The following TSPAN14 variants were observed in gnomAD, a reference collection of about 807,000 sequenced individuals.
TSPAN14 encodes the protein tetraspanin 14, also known as tetraspanin-14.
In TSPAN14, 16 loss-of-function variants were observed where a neutral mutation model predicts 36.6. The ratio of observed to expected loss-of-function variants is 0.44; its 90% CI spans 0.30 to 0.66. TSPAN14 has a LOEUF of 0.66. Ranked by LOEUF, TSPAN14 falls within the 30% of genes least tolerant of loss-of-function variation. The pLI is 0.12. For synonymous variants in TSPAN14, 139 were observed against 143.8 expected (o/e 0.97, Z 0.24); for missense variants, 231 against 355.1 (o/e 0.65, Z 2.81).
rs529045653 is a variant in TSPAN14 at position 80,485,874 on chromosome 10, C to T, written c.-17-3343C>T. 3.9e-5 allele frequency among the ~76,000 whole-genome samples: 6 copies of T among 152,314 alleles called. No homozygotes were observed. The East Asian group carries it at 1.2e-3, about 29-fold the overall frequency. ...CTGGGACAGCCCCACCCCTAGACCTCATGGGGTTATCCTGGGTTGTACAAA... is the reference window on the plus strand; with the variant it reads ...CTGGGACAGCCCCACCCCTAGACCTTATGGGGTTATCCTGGGTTGTACAAA... On this transcript the variant is annotated intron_variant, in intron 1 of 8. Coordinates refer to ENST00000429989, the Ensembl canonical transcript of TSPAN14.
At position 80,470,004 on chromosome 10, in the gene TSPAN14, T is replaced by C. The variant is rs540366932; in HGVS notation, c.-18+15633T>C. 2.6e-5 allele frequency among the ~76,000 whole-genome samples: 4 copies of C among 152,354 alleles called. No individual in the cohort carries two copies. In the South Asian group the frequency reaches 8.3e-4, roughly 32 times the overall value. On this transcript the variant is annotated intron_variant, in intron 1 of 8. Transcript: ENST00000429989. ...TATAACCTATGTACTTCCTCCCATA[T>C]ACTTTAAATCATCTCTAGATTACTT...
chr10:80,491,116 C>T (rs1847898078), intron 2 of TSPAN14, among the ~76,000 whole-genome samples: 1 of 152,190 alleles, frequency 6.6e-6, no homozygotes, highest in Non-Finnish European at 1.5e-5. Context: ...TGGGGATTTT[C>T]TGTCCTAGAG....
chr10:80,491,360 C>T (rs549751469), intron 2 of TSPAN14, among the ~76,000 whole-genome samples: 5 of 152,252 alleles, frequency 3.3e-5, no homozygotes, highest in Non-Finnish European at 7.4e-5. Context: ...ACCTGGTGTT[C>T]CCCTCCACCA....
chr10:80,493,959 A>C lies in TSPAN14; in HGVS notation c.81+4645A>C, dbSNP rs367788113. On this transcript the variant is annotated intron_variant, in intron 2 of 8. Transcript: ENST00000429989. ...AGGGATGATTCCGATAATGTCTGCA[A>C]CTCCAGGGTTGGTTTCCAACACAAG... Among the ~76,000 whole-genome samples, 29 of 152,230 alleles carry C rather than the reference A, an allele frequency of 1.9e-4. No homozygotes were observed. The East Asian group carries it at 5.0e-3, about 26-fold the overall frequency.
chr10:80,469,426 C>T (rs964774274), intron 1 of TSPAN14, among the ~76,000 whole-genome samples: 20 of 152,166 alleles, frequency 1.3e-4, no homozygotes, highest in Admixed American at 5.9e-4. Flanking sequence ...TTGAGGTGCT[C>T]TCCTGATTTC....
intron 3 of TSPAN14, among the ~76,000 whole-genome samples, chr10:80,505,692 T>G (rs770386252): frequency 2.6e-5 from 4 of 152,182 alleles, no homozygotes. Flanking sequence ...TGGGGTACGA[T>G]GTCCCTTTGC....
intron 7 of TSPAN14, among the ~76,000 whole-genome samples, chr10:80,515,113 T>C (rs531039234): frequency 6.6e-6 from 1 of 152,376 alleles, no homozygotes; most frequent in East Asian, 1.9e-4. Flanking sequence ...TAAGAACCTA[T>C]ATCAACATCA....
chr10:80,458,501 G>C (rs538902056), intron 1 of TSPAN14, among the ~76,000 whole-genome samples: 12 of 152,148 alleles, frequency 7.9e-5, no homozygotes, highest in Non-Finnish European at 1.6e-4. Context: ...AACTCACTCT[G>C]CTTAGGCATA....
chr10:80,476,476 C>T (rs1394741431), intron 1 of TSPAN14, among the ~76,000 whole-genome samples: 2 of 127,298 alleles, frequency 1.6e-5, no homozygotes, highest in African/African-American at 6.2e-5. Flanking sequence ...AATGCAGTGG[C>T]GAGATCTCTG....
intron 7 of TSPAN14, 86 bp from the exon 8 acceptor site, chr10:80,516,118 C>T (rs1840924243): frequency 6.3e-7 from 1 of 1,599,180 alleles, no homozygotes; most frequent in South Asian, 1.1e-5. Context: ...CCTGCTTTGC[C>T]CTGCTCCTTA....
At chr10:80,484,356 GCT>G (rs1213570200) in intron 1 of TSPAN14, among the ~76,000 whole-genome samples, 2 of 151,568 alleles carry the variant, frequency 1.3e-5, no homozygotes, top group Non-Finnish European at 2.9e-5. Flanking sequence ...ACCGGGTCTT[GCT>G]CTGTCACCCA....
chr10:80,505,671 AG>A (rs1362857992), intron 3 of TSPAN14, among the ~76,000 whole-genome samples: 2 of 152,152 alleles, frequency 1.3e-5, no homozygotes, highest in East Asian at 1.9e-4. Flanking sequence ...GAACCCCTAA[AG>A]GGCAAGAGCT....
intron 1 of TSPAN14, among the ~76,000 whole-genome samples, chr10:80,457,693 A>T (rs530569723): frequency 6.6e-6 from 1 of 152,206 alleles, no homozygotes; most frequent in African/African-American, 2.4e-5. Context: ...CTGATTGGTG[A>T]TGGAGCTTCT....
chr10:80,520,596 C>T (rs372454378), exon 9 of TSPAN14: 1 of 532,892 alleles, frequency 1.9e-6, no homozygotes, highest in African/African-American at 1.9e-5. Context: ...CCCTGGTCCA[C>T]CCCCTCTCAG....
At chr10:80,510,187 T>C (rs1840539275) in intron 5 of TSPAN14, among the ~76,000 whole-genome samples, 1 of 152,276 alleles carries the variant, frequency 6.6e-6, no homozygotes, top group Non-Finnish European at 1.5e-5. Flanking sequence ...ATCTGTGTGC[T>C]GACAGAAAGC....
At chr10:80,478,428 A>C (rs1054859369) in intron 1 of TSPAN14, among the ~76,000 whole-genome samples, 1 of 152,246 alleles carries the variant, frequency 6.6e-6, no homozygotes, top group Non-Finnish European at 1.5e-5. Context: ...ACAGAGAAGA[A>C]GGCAAGTGTC....
intron 1 of TSPAN14, among the ~76,000 whole-genome samples, chr10:80,455,637 CT>C (rs1845702216): frequency 6.6e-6 from 1 of 152,144 alleles, no homozygotes; most frequent in East Asian, 1.9e-4. Flanking sequence ...CGGAGCACCC[CT>C]ATGTCCTTGC....
chr10:80,512,728 G>C (rs1840725249), intron 6 of TSPAN14, among the ~76,000 whole-genome samples: 1 of 152,020 alleles, frequency 6.6e-6, no homozygotes, highest in Non-Finnish European at 1.5e-5. Context: ...GGGTCTTGCT[G>C]TGTCGCCCAG....
intron 8 of TSPAN14, among the ~76,000 whole-genome samples, chr10:80,516,557 C>T (rs755196978): frequency 4.6e-5 from 7 of 152,170 alleles, no homozygotes; most frequent in Non-Finnish European, 8.8e-5. Flanking sequence ...TGGGCGGGGG[C>T]AGGCTGGGAG....
Sources: allele counts gnomAD v4.1 joint callset (sites outside exome capture counted in the v4.1 genomes callset), GRCh38; gene constraint gnomAD v4.1.1; transcripts MANE v1.5; gene names NCBI Gene and HGNC (gene_info 2026-07-23, HGNC 2026-07-21).